Variants in SCAMP2 observed in about 807,000 individuals in gnomAD.
SCAMP2 encodes the protein secretory carrier membrane protein 2.
A neutral mutation model predicts 44.1 loss-of-function variants in SCAMP2; 25 were observed. That is an observed-to-expected ratio of 0.57 (90% CI 0.41 to 0.79). The LOEUF is 0.79. SCAMP2 is among the 30% of genes least tolerant of loss of function. The pLI, the probability that SCAMP2 is intolerant of heterozygous loss-of-function variation, is 0.00. For missense variants in SCAMP2, 355 were observed against 411.0 expected (o/e 0.86, Z 1.18); for synonymous variants, 156 against 166.0 (o/e 0.94, Z 0.46).
chr15:74,848,487 C>T (rs939348689), intron 7 of SCAMP2, 113 bp downstream of exon 7: 6 of 672,856 alleles, frequency 8.9e-6, no homozygotes, highest in African/African-American at 1.8e-5. Flanking sequence ...ACCCACTCCC[C>T]GCCATGGGAA....
chr15:74,851,588 G>A, intron 4 of SCAMP2, 107 bp from the exon 5 acceptor site: 1 of 1,438,202 alleles, frequency 7.0e-7, no homozygotes, highest in Non-Finnish European at 9.6e-7. Context: ...TTCCCAGAGG[G>A]GCTCCAGCAA....
intron 1 of SCAMP2, among the ~76,000 whole-genome samples, chr15:74,856,334 G>A (rs1043020903): frequency 2.1e-5 from 3 of 143,702 alleles, no homozygotes; most frequent in African/African-American, 7.9e-5. Flanking sequence ...AAGTGCAGTG[G>A]CATGATCTCC....
chr15:74,864,026 G>T (rs1167614762), intron 1 of SCAMP2, among the ~76,000 whole-genome samples: 2 of 152,116 alleles, frequency 1.3e-5, no homozygotes, highest in African/African-American at 4.8e-5. Flanking sequence ...AACCACACTT[G>T]CAAAGCCACA....
chr15:74,866,432 CG>C (rs2064544587), intron 1 of SCAMP2, among the ~76,000 whole-genome samples: 1 of 151,950 alleles, frequency 6.6e-6, no homozygotes, highest in African/African-American at 2.4e-5. Context: ...GTTTTCTGGC[CG>C]GGCGTGGTGG....
intron 7 of SCAMP2, among the ~76,000 whole-genome samples, chr15:74,848,052 G>A (rs2064411107): frequency 6.6e-6 from 1 of 151,416 alleles, no homozygotes; most frequent in African/African-American, 2.4e-5. Flanking sequence ...AAAGTGGAGA[G>A]CAAGGGAAGA....
In SCAMP2 at chr15:74,845,025, A is replaced by G. The variant is rs1596412073; in HGVS notation, c.*58T>C. 1 of 1,572,994 alleles carries G rather than the reference A, an allele frequency of 6.4e-7. No individual in the cohort carries two copies. Among genetic ancestry groups the G allele is most frequent in the Non-Finnish European group, 8.7e-7 (1 of 1,153,878 alleles). On this transcript the variant is annotated 3_prime_UTR_variant, in exon 9 of 9. Coordinates refer to ENST00000268099, the MANE Select transcript of SCAMP2 (RefSeq NM_005697.5). ...CCACCACCACATAAGGCACCCACGG[A>G]AAGTGCAGCTCAGAAGGCAGGCGAG...
chr15:74,867,752 G>A (rs1230394276), intron 1 of SCAMP2, among the ~76,000 whole-genome samples: 3 of 152,234 alleles, frequency 2.0e-5, no homozygotes, highest in Non-Finnish European at 2.9e-5. Flanking sequence ...ACAACACTGA[G>A]ATTATCTTTT....
intron 1 of SCAMP2, among the ~76,000 whole-genome samples, chr15:74,863,247 A>C (rs548986505): frequency 6.6e-6 from 1 of 151,856 alleles, no homozygotes; most frequent in Admixed American, 6.6e-5. Context: ...TGGGAAGCTG[A>C]GGCAAGAGAA....
intron 3 of SCAMP2, chr15:74,853,244 G>A (rs1488655401): frequency 5.6e-6 from 2 of 359,494 alleles, no homozygotes; most frequent in African/African-American, 2.1e-5. Flanking sequence ...CCACCCAGCT[G>A]CACAGAAAGG....
At chr15:74,853,279 C>T (rs2064446861) in intron 3 of SCAMP2, 3 of 388,932 alleles carry the variant, frequency 7.7e-6, no homozygotes, top group South Asian at 3.6e-5. Context: ...AGGCCTGCCT[C>T]ACCTCCACAG....
chr15:74,873,314 C>G lies in SCAMP2; in HGVS notation c.-59G>C. Reference sequence around the variant, plus strand: ...CGCTGCTGCCTCCGGGCACCCAGACCCAGCGGCGCTTCGTGTAGACCCTCC... The same window carrying G: ...CGCTGCTGCCTCCGGGCACCCAGACGCAGCGGCGCTTCGTGTAGACCCTCC... On this transcript the variant is annotated 5_prime_UTR_variant, in exon 1 of 9. Transcript: ENST00000268099. 6.9e-7 allele frequency: 1 copy of G among 1,442,900 alleles called. No homozygotes were observed. 89.4% of individuals were successfully genotyped at this position (1,442,900 alleles called of 1,614,324 possible).
chr15:74,858,986 T>G (rs574200714), intron 1 of SCAMP2, among the ~76,000 whole-genome samples: 1 of 151,874 alleles, frequency 6.6e-6, no homozygotes, highest in Non-Finnish European at 1.5e-5. Context: ...TTTTTTTGTA[T>G]TTTTAGTAGA....
At chr15:74,856,361 G>A (rs991879073) in intron 1 of SCAMP2, among the ~76,000 whole-genome samples, 19 of 130,744 alleles carry the variant, frequency 1.5e-4, no homozygotes, top group South Asian at 2.6e-4. Context: ...TGCAGCCTCC[G>A]CCTTCTGGGC....
Position 74,854,539 on chromosome 15 carries a change from C to G in SCAMP2, c.126+42G>C, listed in dbSNP as rs766872308. Reference sequence around the variant, plus strand: ...CTGCCCCGGACACCCCAGCACCACCCTAGAGGGCCATGGGACTTGGAAAGA... The same window carrying G: ...CTGCCCCGGACACCCCAGCACCACCGTAGAGGGCCATGGGACTTGGAAAGA... On this transcript the variant is annotated intron_variant, in intron 2 of 8. Transcript: ENST00000268099. 3.3e-6 allele frequency: 5 copies of G among 1,530,982 alleles called. No homozygotes were observed. The African/African-American group carries it at 6.8e-5, about 21-fold the overall frequency. The allele number at this position is 1,530,982 out of a possible 1,614,324, so 94.8% of individuals were successfully genotyped here.
chr15:74,871,333 T>G (rs1021799094), intron 1 of SCAMP2, among the ~76,000 whole-genome samples: 3 of 152,084 alleles, frequency 2.0e-5, no homozygotes, highest in Admixed American at 1.3e-4. Flanking sequence ...GGCACATTCT[T>G]GTAGTCCCAG....
chr15:74,864,329 G>A (rs979163265), intron 1 of SCAMP2, among the ~76,000 whole-genome samples: 1 of 152,176 alleles, frequency 6.6e-6, no homozygotes, highest in African/African-American at 2.4e-5. Flanking sequence ...CCAAAGTGCT[G>A]GGATTACAGG....
intron 1 of SCAMP2, among the ~76,000 whole-genome samples, chr15:74,862,524 C>A (rs969579760): frequency 2.0e-5 from 3 of 150,336 alleles, no homozygotes; most frequent in Non-Finnish European, 4.4e-5. Flanking sequence ...TGCAGTGAGC[C>A]GAGATCACAC....
chr15:74,845,358 G>T, intron 8 of SCAMP2, 115 bp downstream of exon 8: 1 of 1,584,998 alleles, frequency 6.3e-7, no homozygotes, highest in Non-Finnish European at 8.6e-7. Flanking sequence ...AAAGGTACTG[G>T]ACCTTTGGGG....
At position 74,854,603 on chromosome 15, in the gene SCAMP2, G is replaced by A. The variant is rs756036316; in HGVS notation, c.104C>T (p.Ala35Val). Residue 35 changes from alanine to valine, a missense_variant, in exon 2 of 9, where the codon GCG (alanine) becomes GTG (valine). Transcript: ENST00000268099. Reference protein sequence around the residue: ...QLTNAPQGGLAEFNPFSETNA... With the variant: ...QLTNAPQGGLVEFNPFSETNA... ...AACCTCTGAGAAGGGGTTGAATTCC[G>A]CCAGGCCGCCCTGCGGGGCGTTGGT... 13 of 1,606,548 alleles carry A rather than the reference G, an allele frequency of 8.1e-6. No homozygotes were observed. The highest frequency in any genetic ancestry group is 2.2e-5 in the East Asian group (1 of 44,584).
Sources: gnomAD v4.1 joint callset for allele counts (sites outside exome capture counted in the v4.1 genomes callset) on GRCh38, gnomAD v4.1.1 for gene constraint, MANE v1.5 for transcripts, NCBI Gene and HGNC (gene_info 2026-07-23, HGNC 2026-07-21) for gene names.